Variants in SLCO3A1 observed in about 807,000 individuals in gnomAD.
SLCO3A1 encodes solute carrier organic anion transporter family member 3A1, also known as PGE1 transporter.
A neutral mutation model predicts 63.1 loss-of-function variants in SLCO3A1; 27 were observed. The observed-to-expected ratio is 0.43, with a 90% CI of 0.32 to 0.59. The LOEUF (loss-of-function observed/expected upper bound fraction) is 0.59, where lower values mean the gene tolerates loss of function less well. SLCO3A1 is among the 20% of genes least tolerant of loss of function. The probability of loss-of-function intolerance (pLI) is 0.09; values close to 1 mark genes in which losing one functional copy is unlikely to be tolerated. For synonymous variants in SLCO3A1, 473 were observed against 409.9 expected (o/e 1.15, Z -1.86); for missense variants, 773 against 945.8 (o/e 0.82, Z 2.40).
chr15:92,127,131 G>A (rs1263777677), intron 6 of SLCO3A1, among the ~76,000 whole-genome samples: 1 of 152,198 alleles, frequency 6.6e-6, no homozygotes, highest in Non-Finnish European at 1.5e-5. Flanking sequence ...CAGGCACCAT[G>A]TGCCCCTCCT....
chr15:92,164,621 T>G lies in SLCO3A1; in HGVS notation c.*1486T>G. On this transcript the variant is annotated 3_prime_UTR_variant, in exon 10 of 10. Transcript: ENST00000318445. ...GTTAAGAAGTCTGTAGCATCTCTGA[T>G]AACGAATAGACCCACAAGCTCCTGG... 1 of 985,340 alleles carries G rather than the reference T, an allele frequency of 1.0e-6. No homozygotes were observed. Among genetic ancestry groups the G allele is most frequent in the South Asian group, 4.7e-5 (1 of 21,282 alleles). 61.0% of individuals were successfully genotyped at this position (985,340 alleles called of 1,614,324 possible).
At chr15:92,149,980 G>T (rs1031684602) in intron 8 of SLCO3A1, among the ~76,000 whole-genome samples, 1 of 152,120 alleles carries the variant, frequency 6.6e-6, no homozygotes, top group African/African-American at 2.4e-5. Flanking sequence ...CGTTCTAAAG[G>T]GTGCTGACTG....
chr15:92,112,391 G>C (rs1209182996), intron 4 of SLCO3A1, among the ~76,000 whole-genome samples: 1 of 152,202 alleles, frequency 6.6e-6, no homozygotes, highest in Non-Finnish European at 1.5e-5. Context: ...GAAGCATCTG[G>C]ACTTTATCTG....
chr15:92,036,407 T>C (rs1272839642), intron 2 of SLCO3A1, among the ~76,000 whole-genome samples: 1 of 151,004 alleles, frequency 6.6e-6, no homozygotes, highest in African/African-American at 2.4e-5. Flanking sequence ...TCTTTTTCTC[T>C]CACTGAAAAT....
intron 4 of SLCO3A1, among the ~76,000 whole-genome samples, chr15:92,109,746 G>A (rs2047706610): frequency 6.6e-6 from 1 of 152,122 alleles, no homozygotes; most frequent in Admixed American, 6.5e-5. Flanking sequence ...TCTAGGAGAT[G>A]AGTTATGATT....
At chr15:91,923,111 C>T (rs939019487) in intron 2 of SLCO3A1, among the ~76,000 whole-genome samples, 1 of 152,176 alleles carries the variant, frequency 6.6e-6, no homozygotes, top group East Asian at 1.9e-4. Context: ...GATGAGTTTC[C>T]AATTGCCCTG....
rs1248323883 is a variant in SLCO3A1 at position 91,860,231 on chromosome 15, TG to T, written c.180+6146del. Among the ~76,000 whole-genome samples, 1 of 152,180 alleles carries T rather than the reference TG, an allele frequency of 6.6e-6. No homozygotes were observed. The highest frequency in any genetic ancestry group is 1.5e-5 in the Non-Finnish European group (1 of 68,042). On this transcript the variant is annotated intron_variant, in intron 1 of 9. Transcript: ENST00000318445. The surrounding 1 kb of genome is among the most constrained non-coding windows in gnomAD (Gnocchi z 5.5). The stretch of plus-strand genomic sequence containing the variant: ...ATCTCTTGCTGTGGTCTGTGGCCAC[TG>T]GGTGCTGAAGGCTGAGGGTAGGTGG...
chr15:91,876,078 A>G (rs940266822), intron 1 of SLCO3A1, among the ~76,000 whole-genome samples: 2 of 152,222 alleles, frequency 1.3e-5, no homozygotes, highest in African/African-American at 4.8e-5. Flanking sequence ...GACAAGGTGG[A>G]CAGATAGTTT....
At chr15:92,003,017 G>A (rs1597209885) in intron 2 of SLCO3A1, among the ~76,000 whole-genome samples, 2 of 152,242 alleles carry the variant, frequency 1.3e-5, no homozygotes, top group Non-Finnish European at 2.9e-5. Flanking sequence ...AAGGTGAAGT[G>A]AGGCAAGGAT....
chr15:91,990,109 G>A (rs1352836840), intron 2 of SLCO3A1, among the ~76,000 whole-genome samples: 1 of 152,206 alleles, frequency 6.6e-6, no homozygotes, highest in Non-Finnish European at 1.5e-5. Context: ...GGGCGGAAGA[G>A]ATGGTGCTTT....
chr15:91,963,404 A>AGGGCGGGGGGGGGCGGGGGGGG (rs1176735786), intron 2 of SLCO3A1, among the ~76,000 whole-genome samples: 1 of 3,154 alleles, frequency 3.2e-4, no homozygotes, highest in African/African-American at 1.3e-3. Flanking sequence ...TAACTCGGGG[A>AGGGCGGGGGGGGGCGGGGGGGG]GGGTGGGGGG....
At chr15:92,160,144 G>A (rs2048418967) in intron 9 of SLCO3A1, among the ~76,000 whole-genome samples, 1 of 152,040 alleles carries the variant, frequency 6.6e-6, no homozygotes, top group South Asian at 2.1e-4. Context: ...GGAGGGAGGA[G>A]CATTTGGGAG....
At chr15:91,986,227 G>A (rs141626748) in intron 2 of SLCO3A1, among the ~76,000 whole-genome samples, 23 of 152,296 alleles carry the variant, frequency 1.5e-4, no homozygotes, top group African/African-American at 5.5e-4. Context: ...GTGTGATGGT[G>A]GGCAAGCAGC....
At position 91,885,137 on chromosome 15, in the gene SLCO3A1, C is replaced by T. The variant is rs1387912466; in HGVS notation, c.181-30856C>T. Reference sequence around the variant, plus strand: ...GGGTGGTGCTGAGCCTGCCCGCCTGCTCTGCGTCACCTGGAAGGAGGGTGC... The same window carrying T: ...GGGTGGTGCTGAGCCTGCCCGCCTGTTCTGCGTCACCTGGAAGGAGGGTGC... On this transcript the variant is annotated intron_variant, in intron 1 of 9. Coordinates refer to ENST00000318445, the MANE Select transcript of SLCO3A1 (RefSeq NM_013272.4). This position sits in a 1 kb window ranked among gnomAD's most constrained non-coding sequence, Gnocchi z 4.7. 6.6e-6 allele frequency among the ~76,000 whole-genome samples: 1 copy of T among 152,242 alleles called. No homozygotes were observed. The highest frequency in any genetic ancestry group is 1.5e-5 in the Non-Finnish European group (1 of 68,034).
chr15:91,889,762 A>G (rs755045206), intron 1 of SLCO3A1, among the ~76,000 whole-genome samples: 3 of 152,196 alleles, frequency 2.0e-5, no homozygotes, highest in Admixed American at 6.5e-5. Context: ...CTCTTTTTCC[A>G]TAGGTTGTTT....
At chr15:92,083,200 T>G (rs2047367477) in intron 2 of SLCO3A1, among the ~76,000 whole-genome samples, 1 of 152,216 alleles carries the variant, frequency 6.6e-6, no homozygotes, top group Admixed American at 6.5e-5. Context: ...TTTTCTTGTT[T>G]CCTCGAAGTT....
In SLCO3A1 at chr15:91,950,600, A is replaced by C. The variant is rs556607110; in HGVS notation, c.646+34142A>C. On this transcript the variant is annotated intron_variant, in intron 2 of 9. Coordinates refer to ENST00000318445, the MANE Select transcript of SLCO3A1 (RefSeq NM_013272.4). The surrounding 1 kb of genome is among the most constrained non-coding windows in gnomAD (Gnocchi z 4.4). ...CTAGCCTCCTAAGAATGAGGTTCCTAGTTCTTACCTAATTTCTCTTCAATT... is the reference window on the plus strand; with the variant it reads ...CTAGCCTCCTAAGAATGAGGTTCCTCGTTCTTACCTAATTTCTCTTCAATT... 1.3e-4 allele frequency among the ~76,000 whole-genome samples: 20 copies of C among 152,292 alleles called. No individual in the cohort carries two copies. The highest frequency in any genetic ancestry group is 1.0e-3 in the South Asian group (5 of 4,834).
chr15:92,069,104 C>G (rs1434136684), intron 2 of SLCO3A1, among the ~76,000 whole-genome samples: 2 of 143,164 alleles, frequency 1.4e-5, no homozygotes, highest in East Asian at 2.2e-4. Context: ...CCGCCCCCCC[C>G]CCGCCACCCC....
At chr15:91,889,248 C>T in intron 1 of SLCO3A1, 2 of 991,348 alleles carry the variant, frequency 2.0e-6, no homozygotes, top group South Asian at 1.3e-5. Flanking sequence ...GTGGGTGGTC[C>T]TGCTGGACCT....
Sources: allele counts gnomAD v4.1 joint callset (sites outside exome capture counted in the v4.1 genomes callset), GRCh38; gene constraint gnomAD v4.1.1; non-coding constraint Gnocchi (gnomAD v3.1); transcripts MANE v1.5; gene names NCBI Gene and HGNC (gene_info 2026-07-23, HGNC 2026-07-21).